NCKAP5: variants seen among roughly 807,000 people sequenced by gnomAD.
NCKAP5 encodes the protein NCK associated protein 5, also known as nck-associated protein 5.
In NCKAP5, 92 loss-of-function variants were observed where a neutral mutation model predicts 167.0. The observed-to-expected ratio is 0.55, with a 90% CI of 0.47 to 0.66. The LOEUF (loss-of-function observed/expected upper bound fraction) is 0.66, where lower values mean the gene tolerates loss of function less well. Ranked by LOEUF, NCKAP5 falls within the 30% of genes least tolerant of loss-of-function variation. The pLI, the probability that NCKAP5 is intolerant of heterozygous loss-of-function variation, is 0.00. For synonymous variants in NCKAP5, 891 were observed against 877.4 expected, an observed-to-expected ratio of 1.02 and a Z score of -0.27; for missense variants, 2,378 against 2,315.0, an observed-to-expected ratio of 1.03 and a Z score of -0.56.
the NCKAP5 span, among the ~76,000 whole-genome samples, chr2:133,654,471 C>G: frequency 6.6e-6 from 1 of 152,122 alleles, no homozygotes; most frequent in Non-Finnish European, 1.5e-5. Context: ...TTCCTATTCC[C>G]AACCTCTTCC....
At chr2:133,044,478 G>C (rs1404218785) in intron 6 of NCKAP5, among the ~76,000 whole-genome samples, 2 of 152,086 alleles carry the variant, frequency 1.3e-5, no homozygotes, top group Non-Finnish European at 2.9e-5. Flanking sequence ...CATGTAATAA[G>C]ATGGTCAGCT....
the NCKAP5 span, among the ~76,000 whole-genome samples, chr2:133,625,325 A>T: frequency 6.6e-6 from 1 of 152,220 alleles, no homozygotes; most frequent in African/African-American, 2.4e-5. Flanking sequence ...TTACTCTGAA[A>T]AATGAAGAAA....
At chr2:132,891,569 A>G (rs1236341900) in intron 8 of NCKAP5, among the ~76,000 whole-genome samples, 2 of 152,192 alleles carry the variant, frequency 1.3e-5, no homozygotes, top group East Asian at 1.9e-4. Context: ...TCATTGGGAG[A>G]AAACAGCCTA....
chr2:133,363,392 A>G (rs1685251996), intron 3 of NCKAP5, among the ~76,000 whole-genome samples: 1 of 152,176 alleles, frequency 6.6e-6, no homozygotes, highest in East Asian at 1.9e-4. Context: ...GTAGTTGCAA[A>G]AGAGATCATG....
intron 4 of NCKAP5, among the ~76,000 whole-genome samples, chr2:133,229,521 A>G (rs1010070797): frequency 5.9e-5 from 9 of 152,238 alleles, no homozygotes; most frequent in Non-Finnish European, 1.2e-4. Flanking sequence ...AATGATGAAC[A>G]CTTATAAAGT....
In NCKAP5 at chr2:133,509,855, C is replaced by G. The variant is rs573350149; in HGVS notation, c.69+7603G>C. ...CTGGGAAACCCTGTTCTAGAGCACA[C>G]TGGCCTGTGGGAATGTGAAAAGGCC... On this transcript the variant is annotated intron_variant, in intron 3 of 19. Transcript: ENST00000409261. 3.9e-5 allele frequency among the ~76,000 whole-genome samples: 6 copies of G among 152,306 alleles called. No individual in the cohort carries two copies. The East Asian group carries it at 1.2e-3, about 29-fold the overall frequency.
intron 6 of NCKAP5, among the ~76,000 whole-genome samples, chr2:133,076,832 G>A (rs1310138374): frequency 6.6e-6 from 1 of 152,160 alleles, no homozygotes; most frequent in Non-Finnish European, 1.5e-5. Flanking sequence ...AGCAGAGAGA[G>A]CAAAGAGCCT....
chr2:132,841,968 G>A (rs1035980198), intron 11 of NCKAP5, among the ~76,000 whole-genome samples: 4 of 151,914 alleles, frequency 2.6e-5, no homozygotes, highest in Non-Finnish European at 4.4e-5. Flanking sequence ...AGTTTTCCTA[G>A]GTCTAGTATT....
At chr2:133,392,988 T>C (rs1687513758) in intron 3 of NCKAP5, among the ~76,000 whole-genome samples, 1 of 152,110 alleles carries the variant, frequency 6.6e-6, no homozygotes, top group Admixed American at 6.5e-5. Flanking sequence ...GAGAACTGAG[T>C]CTAGAGTCCT....
intron 7 of NCKAP5, among the ~76,000 whole-genome samples, chr2:132,974,080 A>G (rs984462036): frequency 6.6e-6 from 1 of 152,192 alleles, no homozygotes; most frequent in Non-Finnish European, 1.5e-5. Context: ...CAACTCACTC[A>G]TTATTTTCTG....
chr2:133,330,440 T>C (rs1185042808), intron 3 of NCKAP5, among the ~76,000 whole-genome samples: 1 of 151,050 alleles, frequency 6.6e-6, no homozygotes, highest in Admixed American at 6.6e-5. Context: ...TTTTTTTATT[T>C]AAAAAAAGGA....
At chr2:133,219,652 T>C (rs960569348) in intron 4 of NCKAP5, among the ~76,000 whole-genome samples, 1 of 152,118 alleles carries the variant, frequency 6.6e-6, no homozygotes, top group African/African-American at 2.4e-5. Context: ...GTAACTTGTA[T>C]ATTCCAAATA....
At chr2:132,979,771 C>G (rs1241319408) in intron 7 of NCKAP5, among the ~76,000 whole-genome samples, 2 of 152,166 alleles carry the variant, frequency 1.3e-5, no homozygotes, top group African/African-American at 4.8e-5. Flanking sequence ...CTGAATTTTA[C>G]TCCTTCAAAG....
chr2:133,603,009 T>C, the NCKAP5 span, among the ~76,000 whole-genome samples: 1 of 152,088 alleles, frequency 6.6e-6, no homozygotes, highest in East Asian at 1.9e-4. Flanking sequence ...AACATCTTCC[T>C]CCCACTTACC....
intron 19 of NCKAP5, among the ~76,000 whole-genome samples, chr2:132,680,722 T>A (rs914294158): frequency 3.9e-4 from 60 of 152,170 alleles, no homozygotes; most frequent in African/African-American, 1.4e-3. Context: ...GGAGGGGATG[T>A]CCCTTAGTAG....
In NCKAP5 at chr2:133,382,186, G is replaced by A. The variant is rs79923607; in HGVS notation, c.70-79076C>T. Reference sequence around the variant, plus strand: ...CCTCTTCCTCAATCTCAAATTCAACGAACATCATCATCAATTATATTCTTA... The same window carrying A: ...CCTCTTCCTCAATCTCAAATTCAACAAACATCATCATCAATTATATTCTTA... On this transcript the variant is annotated intron_variant, in intron 3 of 19. Coordinates refer to ENST00000409261, the MANE Select transcript of NCKAP5 (RefSeq NM_207363.3). Among the ~76,000 whole-genome samples the A allele has an allele frequency of 4.5e-3, 687 of 152,156 alleles. 8 individuals are homozygous for A. The highest frequency in any genetic ancestry group is 0.016 in the African/African-American group (649 of 41,472).
intron 6 of NCKAP5, among the ~76,000 whole-genome samples, chr2:133,111,496 C>A (rs2081910451): frequency 6.6e-6 from 1 of 152,174 alleles, no homozygotes; most frequent in African/African-American, 2.4e-5. Flanking sequence ...TACCAGTGAA[C>A]AAGATCAACT....
At chr2:133,622,822 CA>C in the NCKAP5 span, among the ~76,000 whole-genome samples, 1 of 152,014 alleles carries the variant, frequency 6.6e-6, no homozygotes, top group Non-Finnish European at 1.5e-5. Context: ...CATATGGAAT[CA>C]AAAAAGAGCC....
intron 15 of NCKAP5, among the ~76,000 whole-genome samples, chr2:132,775,154 A>G (rs957689669): frequency 1.3e-5 from 2 of 152,214 alleles, no homozygotes; most frequent in African/African-American, 4.8e-5. Flanking sequence ...TTGCCAGTGG[A>G]TTTGCTACAG....
Sources: gnomAD v4.1 joint callset for allele counts (sites outside exome capture counted in the v4.1 genomes callset) on GRCh38, gnomAD v4.1.1 for gene constraint, MANE v1.5 for transcripts, NCBI Gene and HGNC (gene_info 2026-07-23, HGNC 2026-07-21) for gene names.